The following HMCN1 variants were observed in gnomAD, a reference collection of about 807,000 sequenced individuals.
The protein encoded by HMCN1 is hemicentin 1.
In HMCN1, 321 loss-of-function variants were observed where a neutral mutation model predicts 625.9. The ratio of observed to expected loss-of-function variants is 0.51; its 90% CI spans 0.47 to 0.56. HMCN1 has a LOEUF of 0.56. HMCN1 is among the 20% of genes least tolerant of loss of function. The probability of loss-of-function intolerance (pLI) is 0.00; values close to 1 mark genes in which losing one functional copy is unlikely to be tolerated. For synonymous variants in HMCN1, 2,425 were observed against 2,417.6 expected (o/e 1.00, Z -0.09); for missense variants, 6,588 against 6,887.3 (o/e 0.96, Z 1.54).
intron 71 of HMCN1, 54 bp downstream of exon 71, chr1:186,108,651 A>G: frequency 6.2e-7 from 1 of 1,603,388 alleles, no homozygotes; most frequent in Non-Finnish European, 8.5e-7. Context: ...AAAAGTAAAA[A>G]AATCAGCTCT....
At chr1:185,917,208 A>G (rs1242900864) in intron 6 of HMCN1, among the ~76,000 whole-genome samples, 1 of 152,202 alleles carries the variant, frequency 6.6e-6, no homozygotes, top group East Asian at 1.9e-4. Flanking sequence ...GGAATTTACT[A>G]GCACCCCACT....
At chr1:186,025,935 T>G (rs1287421465) in intron 36 of HMCN1, among the ~76,000 whole-genome samples, 1 of 152,216 alleles carries the variant, frequency 6.6e-6, no homozygotes, top group African/African-American at 2.4e-5. Context: ...TCATGACTTG[T>G]GTACATAACA....
intron 42 of HMCN1, among the ~76,000 whole-genome samples, chr1:186,052,120 T>C (rs563921761): frequency 1.3e-5 from 2 of 151,562 alleles, no homozygotes; most frequent in South Asian, 4.2e-4. Flanking sequence ...AAAGGAAGAA[T>C]GACAGGTTTA....
chr1:185,925,742 T>C (rs1558070054), intron 9 of HMCN1, among the ~76,000 whole-genome samples: 1 of 152,010 alleles, frequency 6.6e-6, no homozygotes, highest in Non-Finnish European at 1.5e-5. Flanking sequence ...AGCAAAGACA[T>C]AAAGATGCCA....
chr1:185,941,238 TG>T (rs1440704506), intron 11 of HMCN1, among the ~76,000 whole-genome samples: 1 of 152,254 alleles, frequency 6.6e-6, no homozygotes, highest in Non-Finnish European at 1.5e-5. Context: ...AGTGTTGAGA[TG>T]ACCTCGCTTG....
chr1:186,178,574 A>G lies in HMCN1; in HGVS notation c.16102A>G (p.Ser5368Gly), dbSNP rs1273725928. ...GCTGCCAAATTATGGCACTCAATACAGTAGCTATAACCTTGCACGGTTCTC... is the reference window on the plus strand; with the variant it reads ...GCTGCCAAATTATGGCACTCAATACGGTAGCTATAACCTTGCACGGTTCTC... ...ERLPNYGTQY[S>G]SYNLARFSPV... Residue 5368 changes from serine to glycine, a missense_variant, in exon 104 of 107, where the codon AGT (serine) becomes GGT (glycine). This residue lies in a region of HMCN1 where 1,954 missense variants were observed against 2,013.1 expected (regional missense o/e 0.97). Coordinates refer to ENST00000271588, the MANE Select transcript of HMCN1 (RefSeq NM_031935.3). 12 of 1,614,168 alleles carry G rather than the reference A, an allele frequency of 7.4e-6. No individual in the cohort carries two copies. The highest frequency in any genetic ancestry group is 1.3e-5 in the African/African-American group (1 of 75,048).
chr1:186,137,774 G>A (rs1649700999), intron 88 of HMCN1, 28 bp from the exon 89 acceptor site: 2 of 1,614,058 alleles, frequency 1.2e-6, no homozygotes, highest in Non-Finnish European at 1.7e-6. Context: ...AAATATACCT[G>A]ATGGTGTAAT....
intron 4 of HMCN1, among the ~76,000 whole-genome samples, chr1:185,883,510 G>A (rs946691559): frequency 6.6e-6 from 1 of 151,886 alleles, no homozygotes; most frequent in African/African-American, 2.4e-5. Flanking sequence ...GAAATTTTTG[G>A]TCTAGATTTT....
rs772813076 is a variant in HMCN1 at position 185,994,901 on chromosome 1, C to G, written c.3592C>G (p.Pro1198Ala). 9 of 1,613,820 alleles carry G rather than the reference C, an allele frequency of 5.6e-6. No homozygotes were observed. Among genetic ancestry groups the G allele is most frequent in the Non-Finnish European group, 6.8e-6 (8 of 1,179,794 alleles). Residue 1198 changes from proline (P) to alanine (A), a missense_variant, in exon 24 of 107, where the codon CCT becomes GCT. Pro to Ala is a conservative substitution (Grantham distance 27). This residue lies in a region of HMCN1 where 4,628 missense variants were observed against 4,853.1 expected (regional missense o/e 0.95). Transcript: ENST00000271588. ...VDIPCNAQGT[P>A]LPVITWSKGG... ...TATTCCATGTAATGCTCAAGGGACT[C>G]CTCTTCCTGTAATCACCTGGTCCAA...
rs778920283 is a variant in HMCN1 at position 186,166,160 on chromosome 1, G to T, written c.15320-24G>T. On this transcript the variant is annotated intron_variant, in intron 98 of 106. Coordinates refer to ENST00000271588, the MANE Select transcript of HMCN1 (RefSeq NM_031935.3). ...AAGTAAGGATTTTACATACTGATTT[G>T]GGCCTTTTTGTTTCTTCTTTAAGAT... 5.6e-6 allele frequency: 9 copies of T among 1,613,378 alleles called. No homozygotes were observed. In the South Asian group the frequency reaches 9.9e-5, roughly 18 times the overall value.
At chr1:185,883,870 T>G (rs779344541) in intron 4 of HMCN1, among the ~76,000 whole-genome samples, 1 of 148,690 alleles carries the variant, frequency 6.7e-6, no homozygotes, top group African/African-American at 2.5e-5. Context: ...TTAATAGATA[T>G]AGGTCATGAT....
chr1:185,982,445 T>TC, intron 18 of HMCN1, 56 bp downstream of exon 18: 3 of 1,522,760 alleles, frequency 2.0e-6, no homozygotes. Flanking sequence ...TCTTTTCTTT[T>TC]TTTTTTTTTT....
At position 186,185,993 on chromosome 1, in the gene HMCN1, G is replaced by A. The variant is rs578021776; in HGVS notation, c.16415-1890G>A. Among the ~76,000 whole-genome samples, 56 of 152,202 alleles carry A rather than the reference G, an allele frequency of 3.7e-4. 1 individual carries two copies. The highest frequency in any genetic ancestry group is 1.2e-3 in the African/African-American group (50 of 41,522). Reference sequence around the variant, plus strand: ...AATTAACCACTAAAGTTTCTTATAAGTTTAAATAGTTGCAAAGGATGTGAA... The same window carrying A: ...AATTAACCACTAAAGTTTCTTATAAATTTAAATAGTTGCAAAGGATGTGAA... On this transcript the variant is annotated intron_variant, in intron 105 of 106. Coordinates refer to ENST00000271588, the MANE Select transcript of HMCN1 (RefSeq NM_031935.3).
intron 4 of HMCN1, among the ~76,000 whole-genome samples, chr1:185,882,260 G>T (rs1664354394): frequency 6.6e-6 from 1 of 151,928 alleles, no homozygotes. Context: ...ATGAAGCAAT[G>T]CTAATGAAAC....
intron 89 of HMCN1, 103 bp from the exon 90 acceptor site, chr1:186,144,070 T>C (rs917370898): frequency 2.5e-5 from 24 of 954,630 alleles, no homozygotes; most frequent in Middle Eastern, 4.5e-4. Context: ...TTCTCTTAGA[T>C]TGGGGACTAA....
At chr1:185,899,266 A>C (rs1665670643) in intron 4 of HMCN1, among the ~76,000 whole-genome samples, 1 of 152,126 alleles carries the variant, frequency 6.6e-6, no homozygotes, top group South Asian at 2.1e-4. Context: ...TGAAGTTGAA[A>C]GTTTTGAAGG....
At chr1:185,850,138 G>A (rs1256912638) in intron 2 of HMCN1, among the ~76,000 whole-genome samples, 2 of 152,162 alleles carry the variant, frequency 1.3e-5, no homozygotes, top group African/African-American at 4.8e-5. Context: ...ATAAACCAGT[G>A]TCTGCAGTAG....
At chr1:185,890,561 G>A (rs891082514) in intron 4 of HMCN1, among the ~76,000 whole-genome samples, 25 of 142,492 alleles carry the variant, frequency 1.8e-4, no homozygotes, top group African/African-American at 6.1e-4. Context: ...CCTTCATTTC[G>A]TTATGTACCC....
At chr1:185,931,181 T>C (rs1299158086) in intron 10 of HMCN1, among the ~76,000 whole-genome samples, 1 of 152,190 alleles carries the variant, frequency 6.6e-6, no homozygotes, top group Non-Finnish European at 1.5e-5. Flanking sequence ...GTTCCTGGCC[T>C]CCTGATTCTC....
Sources: allele counts gnomAD v4.1 joint callset (sites outside exome capture counted in the v4.1 genomes callset), GRCh38; gene constraint gnomAD v4.1.1; regional missense constraint gnomAD v4.1.1; transcripts MANE v1.5; gene names NCBI Gene and HGNC (gene_info 2026-07-23, HGNC 2026-07-21).